The following INTS13 variants were observed in gnomAD, a reference collection of about 807,000 sequenced individuals.
The protein encoded by INTS13 is asunder, spermatogenesis regulator homolog (Drosphila).
A neutral mutation model predicts 90.2 loss-of-function variants in INTS13; 35 were observed. The ratio of observed to expected loss-of-function variants is 0.39; its 90% CI spans 0.30 to 0.51. The LOEUF (loss-of-function observed/expected upper bound fraction) is 0.51. Ranked by LOEUF, INTS13 falls within the 20% of genes least tolerant of loss-of-function variation. The pLI, the probability that INTS13 is intolerant of heterozygous loss-of-function variation, is 0.80. For missense variants in INTS13, 601 were observed against 851.2 expected (o/e 0.71, Z 3.66); for synonymous variants, 309 against 277.1 (o/e 1.11, Z -1.14).
rs975013767 is a variant in INTS13 at position 26,906,326 on chromosome 12, T to C, written c.2057A>G (p.Tyr686Cys). The C allele has an allele frequency of 6.2e-7, 1 of 1,606,988 alleles. No individual in the cohort carries two copies. ...CCCATTTTCCTCTTTAAGATGTTGA[T>C]ATAGTTCAGCTCTGTTATTAACAGA... The part of the protein sequence containing the change: ...LNSVNNRAEL[Y>C]QHLKEENGME... Residue 686 changes from tyrosine (Y) to cysteine (C), a missense_variant, in exon 16 of 17, where the codon TAT becomes TGT. Physicochemically the swap from Tyr to Cys is radical, Grantham distance 194. Around this residue, in one of 3 missense-constraint regions of INTS13, gnomAD observed 228 missense variants for 272.5 expected, o/e 0.84. Coordinates refer to ENST00000261191, the MANE Select transcript of INTS13 (RefSeq NM_018164.3).
At chr12:26,910,576 G>T (rs1486263341) in intron 15 of INTS13, among the ~76,000 whole-genome samples, 1 of 152,168 alleles carries the variant, frequency 6.6e-6, no homozygotes, top group Non-Finnish European at 1.5e-5. Context: ...ATGTGAAGAA[G>T]GACATGTTTG....
Position 26,914,526 on chromosome 12 carries a change from C to G in INTS13, c.1301G>C (p.Arg434Thr), listed in dbSNP as rs1337433411. The change falls in exon 12 of 17, where the codon AGA (arginine) becomes ACA (threonine). Residue 434 changes from arginine to threonine, a missense_variant. Arg to Thr is a moderately conservative substitution (Grantham distance 71). This residue lies in a region of INTS13 where 89 missense variants were observed against 191.0 expected (regional missense o/e 0.47). Transcript: ENST00000261191. Reference protein sequence around the residue: ...ENRLTPFLDPRYKIDGSLEVP... With the variant: ...ENRLTPFLDPTYKIDGSLEVP... ...CTCAAGACTTCCATCGATTTTATAT[C>G]TGGGGTCTAGAAAAGGAGTTAATCT... 1 of 1,613,656 alleles carries G rather than the reference C, an allele frequency of 6.2e-7. No individual in the cohort carries two copies. Among genetic ancestry groups the G allele is most frequent in the African/African-American group, 1.3e-5 (1 of 74,902 alleles).
At chr12:26,927,549 A>C (rs1326557478) in intron 5 of INTS13, among the ~76,000 whole-genome samples, 1 of 152,238 alleles carries the variant, frequency 6.6e-6, no homozygotes, top group Non-Finnish European at 1.5e-5. Flanking sequence ...GATGTGGTAC[A>C]TACTGAATAA....
At chr12:26,929,662 G>A (rs1029573162) in intron 3 of INTS13, among the ~76,000 whole-genome samples, 1 of 151,660 alleles carries the variant, frequency 6.6e-6, no homozygotes, top group Admixed American at 6.6e-5. Flanking sequence ...CTTGAGCCCA[G>A]GAGTTCAGCC....
chr12:26,915,202 G>A (rs919881823), intron 11 of INTS13, among the ~76,000 whole-genome samples: 2 of 151,896 alleles, frequency 1.3e-5, no homozygotes, highest in African/African-American at 4.8e-5. Flanking sequence ...CTCTAACCTG[G>A]GCAACAAGAG....
At chr12:26,913,925 T>C (rs368659836) in intron 13 of INTS13, 49 bp downstream of exon 13, 6 of 1,504,136 alleles carry the variant, frequency 4.0e-6, no homozygotes, top group Non-Finnish European at 5.4e-6. Flanking sequence ...AGAAACAATA[T>C]GTATCAAGTA....
intron 15 of INTS13, among the ~76,000 whole-genome samples, chr12:26,907,838 T>A (rs1230585576): frequency 6.6e-6 from 1 of 152,186 alleles, no homozygotes; most frequent in African/African-American, 2.4e-5. Flanking sequence ...TTACCATCAT[T>A]AATCATGAGA....
At chr12:26,926,075 T>C (rs1386125339) in intron 5 of INTS13, among the ~76,000 whole-genome samples, 4 of 152,106 alleles carry the variant, frequency 2.6e-5, no homozygotes, top group South Asian at 4.1e-4. Flanking sequence ...AAAATAATAA[T>C]TGTGAGTGTC....
chr12:26,921,590 G>A (rs1379099204), intron 8 of INTS13, among the ~76,000 whole-genome samples: 3 of 152,204 alleles, frequency 2.0e-5, no homozygotes, highest in Non-Finnish European at 2.9e-5. Flanking sequence ...AGCTGTTACA[G>A]TAGTCCCCCG....
At chr12:26,931,828 T>G (rs1938208619) in intron 3 of INTS13, among the ~76,000 whole-genome samples, 1 of 152,194 alleles carries the variant, frequency 6.6e-6, no homozygotes, top group South Asian at 2.1e-4. Flanking sequence ...GGCTCACACC[T>G]GTAATCCCAG....
chr12:26,905,649 A>G, intron 16 of INTS13, 113 bp from the exon 17 acceptor site: 4 of 1,051,976 alleles, frequency 3.8e-6, no homozygotes, highest in Non-Finnish European at 5.5e-6. Context: ...ACAGAACATC[A>G]GCATTTTAGG....
chr12:26,938,290 T>C, upstream of INTS13: 1 of 152,046 alleles, frequency 6.6e-6, no homozygotes, highest in Non-Finnish European at 1.5e-5. Context: ...TCTCTGTCTC[T>C]CCACCCAGGC....
rs530684262 is a variant in INTS13 at position 26,936,932 on chromosome 12, T to C, written c.-11-118A>G. The C allele has an allele frequency of 1.9e-5, 13 of 685,252 alleles. No homozygotes were observed. The East Asian group carries it at 1.9e-4, about 10-fold the overall frequency. The allele number at this position is 685,252 out of a possible 1,614,324, so 42.4% of individuals were successfully genotyped here. A position where few individuals can be genotyped will look rare whatever the true frequency, so the allele number is the denominator to read the frequency against. ...GACTTGGTAGGGAACATGAATAATA[T>C]GTTCAAAGAAATCTGTCCGACAAAG... On this transcript the variant is annotated intron_variant, in intron 1 of 16. Transcript: ENST00000261191.
chr12:26,906,225 A>G (rs1951604061), intron 16 of INTS13, 77 bp downstream of exon 16: 1 of 1,370,944 alleles, frequency 7.3e-7, no homozygotes, highest in Non-Finnish European at 9.9e-7. Context: ...ACTGCTGATT[A>G]TTACAAATAA....
chr12:26,928,449 C>T (rs115278901), intron 4 of INTS13, among the ~76,000 whole-genome samples, 164 bp from the exon 5 acceptor site: 1 of 151,666 alleles, frequency 6.6e-6, no homozygotes, highest in African/African-American at 2.4e-5. Flanking sequence ...AGCTGAAAAA[C>T]CAGTGAGAAA....
intron 8 of INTS13, among the ~76,000 whole-genome samples, chr12:26,919,296 T>G (rs1379167968): frequency 6.6e-6 from 1 of 152,052 alleles, no homozygotes; most frequent in Non-Finnish European, 1.5e-5. Context: ...TCTGTGTGGC[T>G]GAAACAGAGA....
At chr12:26,931,040 T>A (rs376565679) in intron 3 of INTS13, among the ~76,000 whole-genome samples, 1 of 151,950 alleles carries the variant, frequency 6.6e-6, no homozygotes, top group Admixed American at 6.6e-5. Flanking sequence ...ATAATACTAA[T>A]CACAAACATT....
Position 26,914,051 on chromosome 12 carries a change from GT to G in INTS13, c.1496del (p.Tyr499SerfsTer3). On this transcript the variant is annotated frameshift_variant, in exon 13 of 17. Coordinates refer to ENST00000261191, the MANE Select transcript of INTS13 (RefSeq NM_018164.3). LOFTEE classifies it high-confidence loss of function. The stretch of plus-strand genomic sequence containing the variant: ...TTTTTCTTTCCATATCAACTAAGTT[GT>G]ATATTGTTTTTTGACAGTTTAACAC... ...EDVLNCQKTI[Y>X]NLVDMERKND... 1 of 1,611,096 alleles carries G rather than the reference GT, an allele frequency of 6.2e-7. No individual in the cohort carries two copies. Among genetic ancestry groups the G allele is most frequent in the Non-Finnish European group, 8.5e-7 (1 of 1,178,670 alleles).
chr12:26,917,246 A>G, intron 10 of INTS13, 106 bp downstream of exon 10: 1 of 308,266 alleles, frequency 3.2e-6, no homozygotes. Context: ...ATAGCTTTCC[A>G]GAGTTCATAT....
Sources: gnomAD v4.1 joint callset for allele counts (sites outside exome capture counted in the v4.1 genomes callset) on GRCh38, gnomAD v4.1.1 for gene constraint, gnomAD v4.1.1 regional missense constraint, MANE v1.5 for transcripts, NCBI Gene and HGNC (gene_info 2026-07-23, HGNC 2026-07-21) for gene names.